EPHA6: variants seen among roughly 807,000 people sequenced by gnomAD.
EPHA6 encodes EPH receptor A6.
EPHA6 carries 50 observed loss-of-function variants against 112.0 expected under a neutral mutation model. The observed-to-expected ratio is 0.45, with a 90% confidence interval of 0.36 to 0.56. EPHA6 has a LOEUF of 0.56. Among genes scored for constraint, EPHA6 ranks in the 20% least tolerant of loss-of-function variants. The probability of loss-of-function intolerance (pLI) is 0.00; values close to 1 mark genes in which losing one functional copy is unlikely to be tolerated. For missense variants in EPHA6, 1,280 were observed against 1,417.4 expected, an observed-to-expected ratio of 0.90 and a Z score of 1.56; for synonymous variants, 529 against 490.7, an observed-to-expected ratio of 1.08 and a Z score of -1.03.
intron 3 of EPHA6, among the ~76,000 whole-genome samples, chr3:97,142,666 G>T (rs1034326991): frequency 1.3e-5 from 2 of 151,802 alleles, no homozygotes; most frequent in Non-Finnish European, 3.0e-5. Flanking sequence ...AATTGAGTCA[G>T]TAATAAAACA....
At chr3:97,258,391 A>C (rs2079388603) in intron 5 of EPHA6, among the ~76,000 whole-genome samples, 1 of 152,082 alleles carries the variant, frequency 6.6e-6, no homozygotes, top group Non-Finnish European at 1.5e-5. Flanking sequence ...GTGCTCACTC[A>C]GGACATCAAC....
chr3:97,026,597 A>G (rs1024655965), intron 3 of EPHA6, among the ~76,000 whole-genome samples: 3 of 151,946 alleles, frequency 2.0e-5, no homozygotes, highest in Admixed American at 6.5e-5. Flanking sequence ...AAAGAAATTT[A>G]CAAGAAGACA....
At chr3:97,720,454 C>T in intron 15 of EPHA6, 44 bp downstream of exon 15, 1 of 1,519,284 alleles carries the variant, frequency 6.6e-7, no homozygotes, top group Non-Finnish European at 8.9e-7. Context: ...TGAATGTAAA[C>T]ACATTAGCTT....
chr3:97,469,296 C>G (rs944169928), intron 7 of EPHA6, among the ~76,000 whole-genome samples: 15 of 151,630 alleles, frequency 9.9e-5, no homozygotes, highest in Non-Finnish European at 2.2e-4. Context: ...TTATTTTCAA[C>G]TCTCTCTTTG....
intron 6 of EPHA6, among the ~76,000 whole-genome samples, chr3:97,428,369 A>G (rs1354762329): frequency 6.6e-6 from 1 of 152,150 alleles, no homozygotes; most frequent in South Asian, 2.1e-4. Context: ...TAAGGAAACT[A>G]TTAAATTACT....
intron 15 of EPHA6, among the ~76,000 whole-genome samples, chr3:97,729,506 C>T (rs1280439561): frequency 2.0e-5 from 3 of 151,964 alleles, no homozygotes; most frequent in Admixed American, 2.0e-4. Flanking sequence ...GACTTATTCA[C>T]GATCATGAGA....
chr3:97,031,515 C>T (rs1309527451), intron 3 of EPHA6, among the ~76,000 whole-genome samples: 23 of 152,050 alleles, frequency 1.5e-4, no homozygotes, highest in Non-Finnish European at 2.1e-4. Flanking sequence ...AGGCAAGTTA[C>T]AGAATGGGAG....
chr3:97,534,345 T>C (rs796272020), intron 11 of EPHA6, among the ~76,000 whole-genome samples: 6 of 152,128 alleles, frequency 3.9e-5, no homozygotes, highest in African/African-American at 1.2e-4. Context: ...ATTTTATGTA[T>C]GAGAAACGAA....
At position 97,322,304 on chromosome 3, in the gene EPHA6, C is replaced by T. The variant is rs11713853; in HGVS notation, c.1606+78017C>T. Among the ~76,000 whole-genome samples, 156 of 151,918 alleles carry T rather than the reference C, an allele frequency of 1.0e-3. 1 individual carries two copies. In the South Asian group the frequency reaches 0.014, roughly 13 times the overall value. On this transcript the variant is annotated intron_variant, in intron 5 of 17. Transcript: ENST00000389672. Reference sequence around the variant, plus strand: ...GCTAAAGTAAAAATGAAATAAAAGACAGTTAATTACATTTCGTCATTCCTA... The same window carrying T: ...GCTAAAGTAAAAATGAAATAAAAGATAGTTAATTACATTTCGTCATTCCTA...
intron 13 of EPHA6, among the ~76,000 whole-genome samples, chr3:97,619,843 A>G (rs199566045): frequency 6.6e-6 from 1 of 152,150 alleles, no homozygotes; most frequent in East Asian, 1.9e-4. Context: ...CATACTGCCC[A>G]AAGCAATTTA....
chr3:97,234,863 G>C (rs2078635694), intron 4 of EPHA6, among the ~76,000 whole-genome samples: 1 of 151,984 alleles, frequency 6.6e-6, no homozygotes, highest in Admixed American at 6.6e-5. Context: ...AAGTCTTCTA[G>C]ACAACTGATT....
chr3:97,583,197 C>T (rs960448960), intron 11 of EPHA6, among the ~76,000 whole-genome samples: 12 of 151,858 alleles, frequency 7.9e-5, no homozygotes, highest in Non-Finnish European at 1.2e-4. Flanking sequence ...TGCTTAACAA[C>T]GCCTTAGCTG....
Position 97,038,102 on chromosome 3 carries a change from A to C in EPHA6, c.1114+50109A>C, listed in dbSNP as rs115222343. On this transcript the variant is annotated intron_variant, in intron 3 of 17. Coordinates refer to ENST00000389672, the MANE Select transcript of EPHA6 (RefSeq NM_001080448.3). ...ACATTCATATAATGTACAAATATCA[A>C]CTCAGAGTAATTGGGATATCCTTCA... 2.9e-3 allele frequency among the ~76,000 whole-genome samples: 448 copies of C among 152,140 alleles called. 4 individuals carry two copies. Among genetic ancestry groups the C allele is most frequent in the African/African-American group, 9.8e-3 (406 of 41,534 alleles).
chr3:97,394,468 A>G (rs1193063496), intron 5 of EPHA6, among the ~76,000 whole-genome samples: 3 of 151,876 alleles, frequency 2.0e-5, no homozygotes, highest in African/African-American at 7.2e-5. Flanking sequence ...GAAATAATCA[A>G]CAGAATGTAG....
chr3:96,939,743 G>C (rs2040826435), intron 2 of EPHA6, among the ~76,000 whole-genome samples: 1 of 152,174 alleles, frequency 6.6e-6, no homozygotes. Context: ...GGCATTTAGT[G>C]CTATAAATTT....
intron 5 of EPHA6, among the ~76,000 whole-genome samples, chr3:97,383,532 T>C (rs1028156522): frequency 2.6e-5 from 4 of 152,106 alleles, no homozygotes; most frequent in Admixed American, 1.3e-4. Flanking sequence ...AATTTTTATG[T>C]CTATTCACTG....
intron 6 of EPHA6, among the ~76,000 whole-genome samples, chr3:97,429,436 T>C (rs2107225132): frequency 6.6e-6 from 1 of 152,296 alleles, no homozygotes; most frequent in East Asian, 1.9e-4. Flanking sequence ...TTTATTTCAC[T>C]GAAGTATGAA....
At chr3:96,879,013 G>A (rs758040377) in intron 2 of EPHA6, among the ~76,000 whole-genome samples, 3 of 151,824 alleles carry the variant, frequency 2.0e-5, no homozygotes, top group Admixed American at 6.6e-5. Context: ...TATATTTCAC[G>A]CAATATACAG....
At chr3:97,234,814 T>C (rs2078633748) in intron 4 of EPHA6, among the ~76,000 whole-genome samples, 1 of 152,150 alleles carries the variant, frequency 6.6e-6, no homozygotes, top group African/African-American at 2.4e-5. Context: ...ATGATGCCCA[T>C]ATTTTTATCC....
Sources: gnomAD v4.1 joint callset for allele counts (sites outside exome capture counted in the v4.1 genomes callset) on GRCh38, gnomAD v4.1.1 for gene constraint, MANE v1.5 for transcripts, NCBI Gene and HGNC (gene_info 2026-07-23, HGNC 2026-07-21) for gene names.